EPHA6: variants seen among roughly 807,000 people sequenced by gnomAD.
EPHA6 encodes EPH receptor A6, also known as ephrin type-A receptor 6.
Under a neutral mutation model 112.0 loss-of-function variants are expected in EPHA6, and 50 were observed. That is an observed-to-expected ratio of 0.45 (90% confidence interval 0.36 to 0.56). EPHA6 has a LOEUF of 0.56. Among genes scored for constraint, EPHA6 ranks in the 20% least tolerant of loss-of-function variants. The pLI, the probability that EPHA6 is intolerant of heterozygous loss-of-function variation, is 0.00. For synonymous variants in EPHA6, 529 were observed against 490.7 expected (o/e 1.08, Z -1.03); for missense variants, 1,280 against 1,417.4 (o/e 0.90, Z 1.56).
At chr3:97,499,522 G>A (rs972635173) in intron 10 of EPHA6, among the ~76,000 whole-genome samples, 1 of 152,040 alleles carries the variant, frequency 6.6e-6, no homozygotes, top group Non-Finnish European at 1.5e-5. Context: ...TTATTTCATT[G>A]TGGTACAAAC....
chr3:97,315,962 A>C (rs778557317), intron 5 of EPHA6, among the ~76,000 whole-genome samples: 5 of 151,816 alleles, frequency 3.3e-5, no homozygotes, highest in Non-Finnish European at 7.4e-5. Context: ...ATCTTTCATT[A>C]AAGTCAGGCC....
chr3:97,319,682 A>C (rs1486929921), intron 5 of EPHA6, among the ~76,000 whole-genome samples: 3 of 150,250 alleles, frequency 2.0e-5, no homozygotes, highest in African/African-American at 7.4e-5. Context: ...AAAAAAAAAC[A>C]AAAAACAAAA....
chr3:96,823,765 A>G (rs2033454702), intron 1 of EPHA6, among the ~76,000 whole-genome samples: 1 of 151,882 alleles, frequency 6.6e-6, no homozygotes, highest in Non-Finnish European at 1.5e-5. Context: ...AGAATACTAG[A>G]ACATTTAATG....
chr3:96,930,317 A>G (rs57735761), intron 2 of EPHA6, among the ~76,000 whole-genome samples: 11,170 of 152,108 alleles, frequency 0.073, 787 homozygotes, highest in Admixed American at 0.21. Flanking sequence ...GAGTTTTACT[A>G]TTTTTGTGTT....
At chr3:97,511,107 C>G (rs1365950033) in intron 10 of EPHA6, among the ~76,000 whole-genome samples, 5 of 152,168 alleles carry the variant, frequency 3.3e-5, no homozygotes, top group Admixed American at 6.5e-5. Flanking sequence ...TCTTAGCTTT[C>G]TGGGCTCTTT....
intron 3 of EPHA6, among the ~76,000 whole-genome samples, chr3:97,189,983 G>A (rs2077258007): frequency 6.6e-6 from 1 of 151,992 alleles, no homozygotes; most frequent in Non-Finnish European, 1.5e-5. Flanking sequence ...GATGGATGAG[G>A]ATCTGAGTCC....
intron 5 of EPHA6, among the ~76,000 whole-genome samples, chr3:97,328,005 ATGT>A (rs2082547942): frequency 6.6e-5 from 9 of 137,102 alleles, no homozygotes; most frequent in African/African-American, 2.8e-4. Flanking sequence ...GTGTATGTAT[ATGT>A]ATATGTGTAT....
intron 3 of EPHA6, among the ~76,000 whole-genome samples, chr3:97,027,115 G>A (rs1366824886): frequency 6.6e-6 from 1 of 152,122 alleles, no homozygotes. Context: ...GCCATAAAAA[G>A]GAATGCAATT....
At chr3:97,741,067 T>A (rs2035486619) in intron 16 of EPHA6, among the ~76,000 whole-genome samples, 1 of 152,036 alleles carries the variant, frequency 6.6e-6, no homozygotes, top group South Asian at 2.1e-4. Flanking sequence ...AAATCTAAAT[T>A]CAGCCAGGCT....
At chr3:96,967,185 C>T (rs943656778) in intron 2 of EPHA6, among the ~76,000 whole-genome samples, 3 of 143,598 alleles carry the variant, frequency 2.1e-5, no homozygotes, top group Non-Finnish European at 4.5e-5. Flanking sequence ...TATGAATACA[C>T]ACACACACAC....
intron 15 of EPHA6, among the ~76,000 whole-genome samples, chr3:97,726,238 C>T (rs1329989518): frequency 2.0e-5 from 3 of 152,062 alleles, no homozygotes; most frequent in Non-Finnish European, 4.4e-5. Context: ...GTTCAGGCCC[C>T]CTGCTTACTC....
intron 2 of EPHA6, among the ~76,000 whole-genome samples, chr3:96,975,781 A>T (rs2107798647): frequency 6.6e-6 from 1 of 152,310 alleles, no homozygotes. Flanking sequence ...TCACAAAATG[A>T]CCATAGACAG....
chr3:97,646,436 C>A, intron 14 of EPHA6: 2 of 719,748 alleles, frequency 2.8e-6, no homozygotes, highest in Non-Finnish European at 4.1e-6. Context: ...AGTAGAAATT[C>A]TAATATTTTC....
At chr3:97,356,159 C>T (rs1168755844) in intron 5 of EPHA6, among the ~76,000 whole-genome samples, 2 of 152,164 alleles carry the variant, frequency 1.3e-5, no homozygotes, top group South Asian at 4.1e-4. Flanking sequence ...CTATTTTGAA[C>T]TGCATACAAG....
chr3:97,012,623 G>GT (rs1464799173), intron 3 of EPHA6, among the ~76,000 whole-genome samples: 19 of 139,188 alleles, frequency 1.4e-4, no homozygotes, highest in Admixed American at 7.3e-4. Flanking sequence ...ATATATATAT[G>GT]TATTTTTTTT....
At chr3:96,903,507 G>A (rs575593663) in intron 2 of EPHA6, among the ~76,000 whole-genome samples, 3 of 152,106 alleles carry the variant, frequency 2.0e-5, no homozygotes, top group African/African-American at 7.2e-5. Context: ...GTATTTTTAT[G>A]GGACAGTTGA....
chr3:97,655,717 A>G (rs1472258568), intron 14 of EPHA6, among the ~76,000 whole-genome samples: 2 of 137,038 alleles, frequency 1.5e-5, no homozygotes, highest in Non-Finnish European at 3.1e-5. Flanking sequence ...GAACACATGG[A>G]CACAGGAAGT....
chr3:97,513,801 T>A (rs913659625), intron 10 of EPHA6, among the ~76,000 whole-genome samples: 3 of 152,018 alleles, frequency 2.0e-5, no homozygotes, highest in Admixed American at 2.0e-4. Context: ...ACTATATATA[T>A]ATATAAACAT....
chr3:97,547,492 A>G (rs899140037), intron 11 of EPHA6, among the ~76,000 whole-genome samples: 3 of 152,122 alleles, frequency 2.0e-5, no homozygotes, highest in Non-Finnish European at 2.9e-5. Flanking sequence ...GGTGCCTCCC[A>G]GTTAGGCTAC....
Sources: gnomAD v4.1 joint callset for allele counts (sites outside exome capture counted in the v4.1 genomes callset) on GRCh38, gnomAD v4.1.1 for gene constraint, MANE v1.5 for transcripts, NCBI Gene and HGNC (gene_info 2026-07-23, HGNC 2026-07-21) for gene names.